Variants in CTNND2 observed in about 807,000 individuals in gnomAD.
CTNND2 encodes catenin delta 2, also known as catenin delta-2.
CTNND2 carries 22 observed loss-of-function variants against 144.4 expected under a neutral mutation model. The ratio of observed to expected loss-of-function variants is 0.15; its 90% CI spans 0.11 to 0.22. The LOEUF is 0.22. CTNND2 is among the 10% of genes least tolerant of loss of function. CTNND2 has a pLI of 1.00. For synonymous variants in CTNND2, 751 were observed against 695.6 expected, an observed-to-expected ratio of 1.08 and a Z score of -1.25; for missense variants, 1,353 against 1,618.8, an observed-to-expected ratio of 0.84 and a Z score of 2.82.
intron 16 of CTNND2, among the ~76,000 whole-genome samples, chr5:11,065,229 T>C (rs1747436728): frequency 6.6e-6 from 1 of 152,200 alleles, no homozygotes; most frequent in African/African-American, 2.4e-5. Context: ...CACGGGTGCC[T>C]AATAACTGTG....
chr5:11,729,463 A>G (rs1787210082), intron 2 of CTNND2, among the ~76,000 whole-genome samples: 1 of 152,210 alleles, frequency 6.6e-6, no homozygotes, highest in Non-Finnish European at 1.5e-5. Flanking sequence ...AAACAGGATA[A>G]TACCATACTA....
At chr5:11,776,364 C>A (rs974085768) in intron 1 of CTNND2, among the ~76,000 whole-genome samples, 2 of 152,168 alleles carry the variant, frequency 1.3e-5, no homozygotes, top group African/African-American at 4.8e-5. Context: ...TACCCAACAA[C>A]AATGCATTTA....
At chr5:11,441,685 C>A (rs970110980) in intron 3 of CTNND2, among the ~76,000 whole-genome samples, 18 of 132,218 alleles carry the variant, frequency 1.4e-4, no homozygotes, top group Non-Finnish European at 2.5e-4. Context: ...TAGGTGTGAG[C>A]CACTTGGCCC....
At chr5:11,361,004 T>G (rs1041132084) in intron 8 of CTNND2, among the ~76,000 whole-genome samples, 2 of 152,186 alleles carry the variant, frequency 1.3e-5, no homozygotes, top group African/African-American at 4.8e-5. Flanking sequence ...TAAGACTGCC[T>G]ACGTATGAAA....
intron 3 of CTNND2, among the ~76,000 whole-genome samples, chr5:11,502,049 AAAAAG>A (rs1770578393): frequency 7.0e-6 from 1 of 143,706 alleles, no homozygotes; most frequent in African/African-American, 2.6e-5. Flanking sequence ...AAAAAAAAAA[AAAAAG>A]AAGGGGCAGG....
At chr5:11,525,924 A>T (rs1164731451) in intron 3 of CTNND2, among the ~76,000 whole-genome samples, 1 of 152,132 alleles carries the variant, frequency 6.6e-6, no homozygotes, top group Non-Finnish European at 1.5e-5. Context: ...GTTCGTTTTG[A>T]GGCAGAGTCT....
At position 10,973,518 on chromosome 5, in the gene CTNND2, G is replaced by A. The variant is rs377404994; in HGVS notation, c.3613C>T (p.Arg1205Cys). 13 of 1,613,270 alleles carry A rather than the reference G, an allele frequency of 8.1e-6. No homozygotes were observed. Among genetic ancestry groups the A allele is most frequent in the Admixed American group, 1.7e-5 (1 of 59,926 alleles). Residue 1205 changes from arginine (R) to cysteine (C), a missense_variant, in exon 22 of 22, where the codon CGT (arginine) becomes TGT (cysteine). Physicochemically the swap from Arg to Cys is radical, Grantham distance 180. Around this residue, in one of 4 missense-constraint regions of CTNND2, gnomAD observed 459 missense variants for 674.3 expected, o/e 0.68. Coordinates refer to ENST00000304623, the MANE Select transcript of CTNND2 (RefSeq NM_001332.4). This position sits in a 1 kb window ranked among gnomAD's most constrained non-coding sequence, Gnocchi z 5.6. ...TCATAGTTCAGTTCACTGTAGGGAC[G>A]GGCAGCTGAGTAGAAGTCAACGTAG... ...GNYVDFYSAA[R>C]PYSELNYETS...
At chr5:11,452,117 A>G (rs963773535) in intron 3 of CTNND2, among the ~76,000 whole-genome samples, 9 of 152,254 alleles carry the variant, frequency 5.9e-5, no homozygotes, top group Non-Finnish European at 1.2e-4. Context: ...GTCTGCACAG[A>G]TAAGAATTAC....
chr5:11,311,533 C>A (rs1308864783), intron 9 of CTNND2, among the ~76,000 whole-genome samples: 2 of 149,418 alleles, frequency 1.3e-5, no homozygotes, highest in African/African-American at 2.5e-5. Flanking sequence ...CATACACTCA[C>A]ACACACACTC....
chr5:11,177,759 A>G (rs1283009175), intron 11 of CTNND2, among the ~76,000 whole-genome samples: 1 of 152,146 alleles, frequency 6.6e-6, no homozygotes, highest in East Asian at 1.9e-4. Flanking sequence ...TGCAAAAACA[A>G]CCTTTGTCAT....
intron 3 of CTNND2, among the ~76,000 whole-genome samples, chr5:11,454,230 G>A (rs1053913697): frequency 1.3e-5 from 2 of 152,086 alleles, no homozygotes; most frequent in African/African-American, 4.8e-5. Context: ...GACCATCCTG[G>A]CCAACATGGT....
intron 3 of CTNND2, among the ~76,000 whole-genome samples, chr5:11,443,370 T>TGTGGCATGAGTGGGGGGGG (rs1764503505): frequency 2.9e-5 from 1 of 34,492 alleles, no homozygotes; most frequent in African/African-American, 1.4e-4. Context: ...TGTGGGGGGG[T>TGTGGCATGAGTGGGGGGGG]GTGGCATGAG....
At chr5:11,354,921 G>A (rs1255188691) in intron 8 of CTNND2, among the ~76,000 whole-genome samples, 2 of 152,066 alleles carry the variant, frequency 1.3e-5, no homozygotes, top group African/African-American at 4.8e-5. Flanking sequence ...AAATGCTATT[G>A]AATTAGAAAT....
At chr5:11,597,046 A>T (rs1779542130) in intron 2 of CTNND2, among the ~76,000 whole-genome samples, 1 of 152,194 alleles carries the variant, frequency 6.6e-6, no homozygotes, top group Admixed American at 6.5e-5. Flanking sequence ...GTCCAGCGGA[A>T]TCTCTGACGA....
At chr5:11,622,333 G>C (rs187356202) in intron 2 of CTNND2, among the ~76,000 whole-genome samples, 3 of 152,114 alleles carry the variant, frequency 2.0e-5, no homozygotes, top group Admixed American at 1.3e-4. Flanking sequence ...CATAAAACAA[G>C]ATGACTGTAC....
chr5:11,613,201 G>A (rs1780418446), intron 2 of CTNND2, among the ~76,000 whole-genome samples: 1 of 152,072 alleles, frequency 6.6e-6, no homozygotes, highest in African/African-American at 2.4e-5. Context: ...ATGTCAAGAT[G>A]GTATTCATAT....
intron 1 of CTNND2, among the ~76,000 whole-genome samples, chr5:11,768,934 G>A (rs1342720042): frequency 1.3e-5 from 2 of 152,096 alleles, no homozygotes; most frequent in Non-Finnish European, 2.9e-5. Context: ...GCTCCCCTCA[G>A]TTAACATAAT....
At chr5:11,435,343 C>T (rs1381501529) in intron 3 of CTNND2, among the ~76,000 whole-genome samples, 1 of 151,814 alleles carries the variant, frequency 6.6e-6, no homozygotes, top group Non-Finnish European at 1.5e-5. Context: ...GGGGTTTCAC[C>T]GTGTTAGCCA....
In CTNND2 at chr5:11,032,258, G is replaced by C. The variant is rs116159760; in HGVS notation, c.2789-9279C>G. On this transcript the variant is annotated intron_variant, in intron 16 of 21. Transcript: ENST00000304623. ...CTGATTTCCATGTGATTGGATGTCT[G>C]TAAGTTAGTGTGAAAAGGATTAAAG... Among the ~76,000 whole-genome samples, 1,360 of 152,244 alleles carry C rather than the reference G, an allele frequency of 8.9e-3. 19 individuals carry two copies. The highest frequency in any genetic ancestry group is 0.031 in the African/African-American group (1,305 of 41,532).
Sources: gnomAD v4.1 joint callset for allele counts (sites outside exome capture counted in the v4.1 genomes callset) on GRCh38, gnomAD v4.1.1 for gene constraint, gnomAD v4.1.1 regional missense constraint, Gnocchi (gnomAD v3.1) non-coding constraint, MANE v1.5 for transcripts, NCBI Gene and HGNC (gene_info 2026-07-23, HGNC 2026-07-21) for gene names.